The following DPP10 variants were observed in gnomAD, a reference collection of about 807,000 sequenced individuals.
DPP10 encodes inactive dipeptidyl peptidase 10.
A neutral mutation model predicts 120.9 loss-of-function variants in DPP10; 33 were observed. The observed-to-expected ratio is 0.27, with a 90% CI of 0.21 to 0.37. The LOEUF (loss-of-function observed/expected upper bound fraction) is 0.37, where lower values mean the gene tolerates loss of function less well. Ranked by LOEUF, DPP10 falls within the 10% of genes least tolerant of loss-of-function variation. DPP10 has a pLI of 1.00. For synonymous variants in DPP10, 337 were observed against 326.1 expected (o/e 1.03, Z -0.36); for missense variants, 816 against 942.8 (o/e 0.87, Z 1.76).
intron 5 of DPP10, among the ~76,000 whole-genome samples, chr2:115,588,258 C>T (rs1575258981): frequency 6.6e-6 from 1 of 152,028 alleles, no homozygotes; most frequent in Non-Finnish European, 1.5e-5. Context: ...GATCTAGTTC[C>T]TCATATGCCA....
At chr2:115,318,909 T>C (rs2061927874) in intron 2 of DPP10, among the ~76,000 whole-genome samples, 1 of 152,122 alleles carries the variant, frequency 6.6e-6, no homozygotes, top group African/African-American at 2.4e-5. Context: ...TTTAGTTCTT[T>C]TTCTTGTCTA....
At chr2:115,572,220 T>C (rs1238446338) in intron 5 of DPP10, among the ~76,000 whole-genome samples, 1 of 152,148 alleles carries the variant, frequency 6.6e-6, no homozygotes, top group Non-Finnish European at 1.5e-5. Context: ...CAAACATTTT[T>C]TTTTTTTGCA....
intron 1 of DPP10, among the ~76,000 whole-genome samples, chr2:114,547,294 C>G (rs2104844677): frequency 6.6e-6 from 1 of 152,366 alleles, no homozygotes; most frequent in African/African-American, 2.4e-5. Flanking sequence ...TGCTCCTCCA[C>G]TCCTGCCCAG....
chr2:115,067,308 G>C (rs1706940502), intron 1 of DPP10, among the ~76,000 whole-genome samples: 1 of 151,808 alleles, frequency 6.6e-6, no homozygotes, highest in Non-Finnish European at 1.5e-5. Context: ...CTGGAGTGCG[G>C]TGGCGCCATC....
At chr2:114,814,440 A>C (rs1685450869) in intron 1 of DPP10, among the ~76,000 whole-genome samples, 1 of 151,944 alleles carries the variant, frequency 6.6e-6, no homozygotes, top group African/African-American at 2.4e-5. Context: ...TGTAATATGT[A>C]ATTTAAGATA....
chr2:115,479,127 A>C (rs1210313442), intron 3 of DPP10, among the ~76,000 whole-genome samples: 4 of 152,198 alleles, frequency 2.6e-5, no homozygotes, highest in African/African-American at 9.6e-5. Flanking sequence ...AGCATTATTC[A>C]CAAAAGCTAA....
rs1299388771 is a variant in DPP10 at position 114,833,294 on chromosome 2, C to A, written c.60+390456C>A. The A allele has an allele frequency of 2.9e-5, 4 of 139,832 alleles. No individual in the cohort carries two copies. In the East Asian group the frequency reaches 6.3e-4, roughly 22 times the overall value. The allele number at this position is 139,832 out of a possible 1,614,324, so 8.7% of individuals were successfully genotyped here. Reference sequence around the variant, plus strand: ...TGAGTTAATTCTTTAAAAAAAAAAACTAAATTGATCAAGCAAAAAAATGTA... The same window carrying A: ...TGAGTTAATTCTTTAAAAAAAAAAAATAAATTGATCAAGCAAAAAAATGTA... On this transcript the variant is annotated intron_variant, in intron 1 of 25. Coordinates refer to ENST00000410059, the MANE Select transcript of DPP10 (RefSeq NM_020868.6).
intron 5 of DPP10, among the ~76,000 whole-genome samples, chr2:115,564,785 C>T (rs1388979866): frequency 1.3e-5 from 2 of 152,078 alleles, no homozygotes; most frequent in African/African-American, 4.8e-5. Context: ...TTTCTCTTTG[C>T]CAAATTTAAC....
intron 1 of DPP10, among the ~76,000 whole-genome samples, chr2:114,448,639 C>G (rs1242257167): frequency 6.6e-6 from 1 of 152,132 alleles, no homozygotes; most frequent in Non-Finnish European, 1.5e-5. Flanking sequence ...TGTTTTGGAA[C>G]CACTGAGCTA....
At chr2:114,529,671 C>T (rs1490057118) in intron 1 of DPP10, among the ~76,000 whole-genome samples, 1 of 152,152 alleles carries the variant, frequency 6.6e-6, no homozygotes, top group Non-Finnish European at 1.5e-5. Flanking sequence ...GGAAGTGTTA[C>T]ATTCCTTTTT....
At chr2:114,464,716 T>C (rs1177494899) in intron 1 of DPP10, among the ~76,000 whole-genome samples, 1 of 152,170 alleles carries the variant, frequency 6.6e-6, no homozygotes, top group Non-Finnish European at 1.5e-5. Context: ...TAATTGTCCA[T>C]TGGCCGAGAG....
chr2:114,882,106 A>T (rs10211531), intron 1 of DPP10, among the ~76,000 whole-genome samples: 39 of 151,508 alleles, frequency 2.6e-4, no homozygotes, highest in African/African-American at 9.2e-4. Flanking sequence ...TAATGAAATA[A>T]AAATAAATAA....
intron 1 of DPP10, among the ~76,000 whole-genome samples, chr2:115,005,846 A>T (rs1295739259): frequency 6.6e-6 from 1 of 152,212 alleles, no homozygotes; most frequent in African/African-American, 2.4e-5. Context: ...GCCAACATTC[A>T]GATTCAGGAA....
At chr2:114,612,502 T>C (rs976947641) in intron 1 of DPP10, among the ~76,000 whole-genome samples, 2 of 152,230 alleles carry the variant, frequency 1.3e-5, no homozygotes, top group African/African-American at 4.8e-5. Flanking sequence ...CAATGTTTCT[T>C]TGCTTTCTCC....
chr2:114,839,738 C>A (rs1236688649), intron 1 of DPP10, among the ~76,000 whole-genome samples: 1 of 151,996 alleles, frequency 6.6e-6, no homozygotes, highest in African/African-American at 2.4e-5. Context: ...AAAATAAAGT[C>A]AATTTTAGGA....
intron 1 of DPP10, among the ~76,000 whole-genome samples, chr2:114,850,019 T>G: frequency 7.6e-6 from 1 of 131,078 alleles, no homozygotes. Flanking sequence ...TTCCCTTCCC[T>G]TCCCTTTCCT....
At chr2:115,061,456 T>G (rs1477300320) in intron 1 of DPP10, among the ~76,000 whole-genome samples, 3 of 152,162 alleles carry the variant, frequency 2.0e-5, no homozygotes, top group Non-Finnish European at 4.4e-5. Context: ...ATAATAAAAT[T>G]TAAGCAATAA....
rs139004642 is a variant in DPP10, at chr2:114,778,678, C to T, written c.60+335840C>T. Among the ~76,000 whole-genome samples, 50 of 151,948 alleles carry T rather than the reference C, an allele frequency of 3.3e-4. 1 individual carries two copies. Among genetic ancestry groups the T allele is most frequent in the African/African-American group, 1.2e-3 (49 of 41,476 alleles). On this transcript the variant is annotated intron_variant, in intron 1 of 25. Transcript: ENST00000410059. ...TTGCAAGGAAAGTACATGAACCAGGCCTGGAAGTGGTATATACCACTTCCA... is the reference window on the plus strand; with the variant it reads ...TTGCAAGGAAAGTACATGAACCAGGTCTGGAAGTGGTATATACCACTTCCA...
chr2:114,529,146 C>G (rs1685747781), intron 1 of DPP10, among the ~76,000 whole-genome samples: 1 of 152,050 alleles, frequency 6.6e-6, no homozygotes, highest in South Asian at 2.1e-4. Context: ...GTAAACTGCC[C>G]CTCTCCTTGT....
Sources: gnomAD v4.1 joint callset for allele counts (sites outside exome capture counted in the v4.1 genomes callset) on GRCh38, gnomAD v4.1.1 for gene constraint, MANE v1.5 for transcripts, NCBI Gene and HGNC (gene_info 2026-07-23, HGNC 2026-07-21) for gene names.